The following NUP205 variants were observed in gnomAD, a reference collection of about 807,000 sequenced individuals.
NUP205 encodes the protein nuclear pore complex protein Nup205.
In NUP205, 76 loss-of-function variants were observed where a neutral mutation model predicts 253.8. The observed-to-expected ratio is 0.30, with a 90% confidence interval of 0.25 to 0.36. The LOEUF is 0.36. Among genes scored for constraint, NUP205 ranks in the 10% least tolerant of loss-of-function variants. The pLI, the probability that NUP205 is intolerant of heterozygous loss-of-function variation, is 1.00. For synonymous variants in NUP205, 832 were observed against 850.1 expected (o/e 0.98, Z 0.37); for missense variants, 2,162 against 2,425.5 (o/e 0.89, Z 2.28).
At chr7:135,589,964 A>G (rs1806581504) in intron 10 of NUP205, among the ~76,000 whole-genome samples, 1 of 151,280 alleles carries the variant, frequency 6.6e-6, no homozygotes, top group Non-Finnish European at 1.5e-5. Flanking sequence ...AAAATTTTTA[A>G]AGTTTTTAAG....
At chr7:135,586,303 A>G (rs770857193) in intron 8 of NUP205, among the ~76,000 whole-genome samples, 12 of 151,958 alleles carry the variant, frequency 7.9e-5, no homozygotes, top group Admixed American at 1.3e-4. Context: ...TAAAATTGGT[A>G]ATTTGTGTCT....
intron 1 of NUP205, among the ~76,000 whole-genome samples, chr7:135,567,126 GTGTATATATA>G (rs1364660264): frequency 5.6e-4 from 3 of 5,376 alleles, no homozygotes; most frequent in East Asian, 0.011. Flanking sequence ...CAGTCTATGT[GTGTATATATA>G]TATATATATA....
At chr7:135,600,547 C>T (rs1382870245) in intron 15 of NUP205, among the ~76,000 whole-genome samples, 1 of 152,008 alleles carries the variant, frequency 6.6e-6, no homozygotes, top group African/African-American at 2.4e-5. Flanking sequence ...GAAAAGTGTC[C>T]AAATTTGATG....
At chr7:135,570,777 AT>A (rs1328067492) in intron 1 of NUP205, among the ~76,000 whole-genome samples, 1 of 57,742 alleles carries the variant, frequency 1.7e-5, no homozygotes, top group Non-Finnish European at 3.1e-5. Flanking sequence ...ATTAATATAT[AT>A]TAATTATATT....
At chr7:135,559,338 TA>T (rs1805517156) in intron 1 of NUP205, among the ~76,000 whole-genome samples, 1 of 152,212 alleles carries the variant, frequency 6.6e-6, no homozygotes, top group African/African-American at 2.4e-5. Context: ...TGGTTGTATA[TA>T]ATACATTTCT....
At chr7:135,609,589 A>G (rs1352487213) in intron 22 of NUP205, among the ~76,000 whole-genome samples, 1 of 151,858 alleles carries the variant, frequency 6.6e-6, no homozygotes, top group Non-Finnish European at 1.5e-5. Flanking sequence ...CGGAGCTTGC[A>G]GTGAGCCGAG....
chr7:135,610,900 T>C (rs919297614), intron 22 of NUP205, among the ~76,000 whole-genome samples: 1 of 152,176 alleles, frequency 6.6e-6, no homozygotes, highest in Non-Finnish European at 1.5e-5. Context: ...GGAGATTTCT[T>C]CTACCTGGTC....
intron 22 of NUP205, among the ~76,000 whole-genome samples, chr7:135,608,011 A>G (rs989457879): frequency 4.5e-5 from 6 of 134,282 alleles, no homozygotes; most frequent in Admixed American, 2.5e-4. Flanking sequence ...CACATTGCCC[A>G]GGCTGGGAAA....
At chr7:135,570,762 A>T (rs1412036648) in intron 1 of NUP205, among the ~76,000 whole-genome samples, 1 of 88,394 alleles carries the variant, frequency 1.1e-5, no homozygotes, top group African/African-American at 4.5e-5. Context: ...ATATTTATAT[A>T]TTATATTAAT....
chr7:135,616,986 C>A, intron 25 of NUP205, 104 bp from the exon 26 acceptor site: 2 of 832,314 alleles, frequency 2.4e-6, no homozygotes, highest in Non-Finnish European at 3.7e-6. Context: ...CTATTTTATG[C>A]TCTTTCTGAA....
At chr7:135,563,494 T>C (rs1279423134) in intron 1 of NUP205, among the ~76,000 whole-genome samples, 1 of 152,116 alleles carries the variant, frequency 6.6e-6, no homozygotes, top group East Asian at 1.9e-4. Flanking sequence ...GGCCAGATTT[T>C]ACATTTATGT....
chr7:135,648,039 C>T (rs1434382896), intron 42 of NUP205, among the ~76,000 whole-genome samples: 5 of 152,130 alleles, frequency 3.3e-5, no homozygotes, highest in East Asian at 1.9e-4. Context: ...CCCTTCCTTC[C>T]CTGCATTCTC....
chr7:135,563,386 G>T (rs6467597), intron 1 of NUP205, among the ~76,000 whole-genome samples: 1 of 151,512 alleles, frequency 6.6e-6, no homozygotes, highest in Admixed American at 6.6e-5. Flanking sequence ...ACGGGGTTTC[G>T]CTGTGTTGGC....
At chr7:135,600,811 T>TG (rs535256645) in intron 15 of NUP205, 59 bp from the exon 16 acceptor site, 31 of 984,188 alleles carry the variant, frequency 3.1e-5, no homozygotes, top group Non-Finnish European at 4.8e-5. Flanking sequence ...TGAAAAGCCT[T>TG]GCAAGGCCAC....
At chr7:135,587,829 C>T (rs372775716) in intron 9 of NUP205, 26 bp from the exon 10 acceptor site, 9 of 1,593,682 alleles carry the variant, frequency 5.6e-6, no homozygotes, top group East Asian at 2.2e-5. Flanking sequence ...AGACATTTCC[C>T]TACAGTCTTT....
intron 3 of NUP205, among the ~76,000 whole-genome samples, chr7:135,575,229 A>G (rs1031239587): frequency 6.6e-6 from 1 of 152,216 alleles, no homozygotes. Flanking sequence ...TAGAGATGGT[A>G]TTAGATGGAC....
chr7:135,573,264 AT>A (rs1242625494), intron 2 of NUP205, among the ~76,000 whole-genome samples: 1 of 152,236 alleles, frequency 6.6e-6, no homozygotes, highest in Non-Finnish European at 1.5e-5. Context: ...TATAACATTA[AT>A]AAACTGTTAC....
At chr7:135,643,472 A>G in intron 39 of NUP205, 114 bp downstream of exon 39, 1 of 764,316 alleles carries the variant, frequency 1.3e-6, no homozygotes. Flanking sequence ...AATTGGAATG[A>G]TTCTTCTGTG....
chr7:135,640,623 A>G (rs975135284), intron 38 of NUP205, among the ~76,000 whole-genome samples: 4 of 152,088 alleles, frequency 2.6e-5, no homozygotes, highest in African/African-American at 7.2e-5. Context: ...GTTTTATGCC[A>G]TGGATGGGGG....
Sources: allele counts gnomAD v4.1 joint callset (sites outside exome capture counted in the v4.1 genomes callset), GRCh38; gene constraint gnomAD v4.1.1; transcripts MANE v1.5; gene names NCBI Gene and HGNC (gene_info 2026-07-23, HGNC 2026-07-21).